The following RBM26 variants were observed in gnomAD, a reference collection of about 807,000 sequenced individuals.
RBM26 encodes the protein RNA binding motif protein 26, also known as RNA-binding protein 26.
Under a neutral mutation model 123.6 loss-of-function variants are expected in RBM26, and 30 were observed. That is an observed-to-expected ratio of 0.24 (90% CI 0.18 to 0.33). The LOEUF (loss-of-function observed/expected upper bound fraction) is 0.33. Ranked by LOEUF, RBM26 falls within the 10% of genes least tolerant of loss-of-function variation. RBM26 has a pLI of 1.00. For missense variants in RBM26, 947 were observed against 1,203.6 expected (o/e 0.79, Z 3.15); for synonymous variants, 400 against 404.4 (o/e 0.99, Z 0.13).
intron 7 of RBM26, 90 bp from the exon 8 acceptor site, chr13:79,366,285 A>G (rs2075262485): frequency 3.8e-6 from 5 of 1,333,010 alleles, no homozygotes; most frequent in Non-Finnish European, 5.2e-6. Flanking sequence ...CTCATTTATC[A>G]AACTATAATA....
At chr13:79,327,573 A>G (rs575199336) in intron 20 of RBM26, among the ~76,000 whole-genome samples, 2 of 152,270 alleles carry the variant, frequency 1.3e-5, no homozygotes, top group South Asian at 2.1e-4. Context: ...AAAAAACCCA[A>G]GAGAGCAAAA....
chr13:79,345,772 A>G (rs1365990631), intron 14 of RBM26, among the ~76,000 whole-genome samples: 1 of 152,198 alleles, frequency 6.6e-6, no homozygotes, highest in Non-Finnish European at 1.5e-5. Context: ...GTAAGTACTC[A>G]AAAAACATTT....
chr13:79,386,242 G>A (rs1271831712), intron 1 of RBM26, among the ~76,000 whole-genome samples: 1 of 151,888 alleles, frequency 6.6e-6, no homozygotes, highest in Admixed American at 6.6e-5. Flanking sequence ...CATTCAGTCT[G>A]TTATGACATG....
At chr13:79,347,999 A>G (rs1261082722) in intron 14 of RBM26, among the ~76,000 whole-genome samples, 1 of 152,120 alleles carries the variant, frequency 6.6e-6, no homozygotes, top group Admixed American at 6.5e-5. Context: ...AAGTAACAGA[A>G]CACTTTCTCT....
intron 11 of RBM26, among the ~76,000 whole-genome samples, chr13:79,358,029 C>A (rs1331320984): frequency 1.3e-5 from 2 of 151,846 alleles, no homozygotes; most frequent in African/African-American, 4.8e-5. Context: ...ATTACAGGTG[C>A]CTGCCACCAC....
intron 7 of RBM26, 174 bp from the exon 8 acceptor site, chr13:79,366,369 G>T: frequency 2.3e-6 from 1 of 435,832 alleles, no homozygotes. Context: ...TTCCAAAGCA[G>T]GTTTGCCTTA....
chr13:79,371,093 T>C lies in RBM26; in HGVS notation c.486A>G (p.Arg162=). ...KRDYDRNPPR[R]DSYRDRYNRR... ...TATTGTACCGGTCTCTGTATGAATCTCTTCGAGGAGGGTTTCGATCATAAT... is the reference window on the plus strand; with the variant it reads ...TATTGTACCGGTCTCTGTATGAATCCCTTCGAGGAGGGTTTCGATCATAAT... The change falls in exon 5 of 22, where the codon AGA becomes AGG. Residue 162 remains arginine (R), a synonymous_variant. Coordinates refer to ENST00000438737, the MANE Select transcript of RBM26 (RefSeq NM_001366735.2). 1 of 1,614,174 alleles carries C rather than the reference T, an allele frequency of 6.2e-7. No individual in the cohort carries two copies. The highest frequency in any genetic ancestry group is 1.1e-5 in the South Asian group (1 of 91,080).
chr13:79,367,542 T>TCC (rs781190114), intron 6 of RBM26, among the ~76,000 whole-genome samples: 6 of 151,204 alleles, frequency 4.0e-5, no homozygotes, highest in Admixed American at 2.6e-4. Flanking sequence ...CTTGGTGCCC[T>TCC]CCCAAGGTAA....
chr13:79,328,972 C>T (rs2068872257), intron 20 of RBM26, among the ~76,000 whole-genome samples: 1 of 151,590 alleles, frequency 6.6e-6, no homozygotes, highest in Non-Finnish European at 1.5e-5. Context: ...CACTATGTAG[C>T]GTACACACTA....
intron 10 of RBM26, 49 bp from the exon 11 acceptor site, chr13:79,358,482 A>G (rs7994560): frequency 1 from 1,449,174 of 1,452,814 alleles, 722,858 homozygotes; most frequent in East Asian, 1. Context: ...TCCTGACCCT[A>G]ACCAAATACA....
At chr13:79,368,261 C>G (rs1348159485) in intron 6 of RBM26, among the ~76,000 whole-genome samples, 1 of 152,180 alleles carries the variant, frequency 6.6e-6, no homozygotes, top group Non-Finnish European at 1.5e-5. Context: ...CTCCTGACCT[C>G]ATGATCCACC....
In RBM26 at chr13:79,344,927, C is replaced by T. The variant is rs1050985668; in HGVS notation, c.2059-133G>A. 4.2e-6 allele frequency: 3 copies of T among 721,688 alleles called. No homozygotes were observed. In the African/African-American group the frequency reaches 5.6e-5, roughly 14 times the overall value. The allele number at this position is 721,688 out of a possible 1,614,324, so 44.7% of individuals were successfully genotyped here. ...CACACTGAACTAAATGTATTTTATA[C>T]TTATAATAACGAAATCATATTTGGT... On this transcript the variant is annotated intron_variant, in intron 14 of 21. Coordinates refer to ENST00000438737, the MANE Select transcript of RBM26 (RefSeq NM_001366735.2).
rs1481112941 is a variant in RBM26 at position 79,344,185 on chromosome 13, A to T, written c.2259+63T>A. On this transcript the variant is annotated intron_variant, in intron 16 of 21. Transcript: ENST00000438737. ...AATCTTTTTATGACTAGGTAGCATA[A>T]GATTAAGTTCACTCCAAATTATAAC... The T allele has an allele frequency of 3.0e-6, 3 of 1,006,268 alleles. No homozygotes were observed. The East Asian group carries it at 7.1e-5, about 24-fold the overall frequency. 62.3% of individuals were successfully genotyped at this position (1,006,268 alleles called of 1,614,324 possible).
intron 20 of RBM26, among the ~76,000 whole-genome samples, chr13:79,327,761 T>C (rs1160199376): frequency 1.3e-5 from 2 of 152,200 alleles, no homozygotes; most frequent in African/African-American, 4.8e-5. Flanking sequence ...ATGTTGTCTA[T>C]ATAAAGAAAC....
intron 1 of RBM26, among the ~76,000 whole-genome samples, chr13:79,401,896 CACA>C (rs1012567312): frequency 2.0e-5 from 3 of 152,250 alleles, no homozygotes; most frequent in Admixed American, 6.5e-5. Context: ...GTGGCAGAAG[CACA>C]ACACTAGGCA....
intron 13 of RBM26, 149 bp downstream of exon 13, chr13:79,354,290 A>G: frequency 1.7e-6 from 1 of 592,232 alleles, no homozygotes; most frequent in Non-Finnish European, 2.5e-6. Context: ...ATTAAAAAAA[A>G]AAAAACAACC....
intron 18 of RBM26, among the ~76,000 whole-genome samples, chr13:79,340,428 A>G (rs1233214245): frequency 6.6e-6 from 1 of 152,092 alleles, no homozygotes; most frequent in Non-Finnish European, 1.5e-5. Context: ...TCTCAGCTAA[A>G]GCTAAATAAT....
intron 1 of RBM26, among the ~76,000 whole-genome samples, chr13:79,382,430 C>A (rs572876123): frequency 3.3e-5 from 5 of 151,920 alleles, no homozygotes; most frequent in South Asian, 2.1e-4. Flanking sequence ...CCTTATAGAT[C>A]GGGGAAAAAA....
downstream of RBM26, among the ~76,000 whole-genome samples, chr13:79,316,910 A>C (rs892035335): frequency 2.6e-5 from 4 of 151,696 alleles, no homozygotes; most frequent in Admixed American, 2.0e-4. Flanking sequence ...TCTGTACTAA[A>C]GCAAAATAAT....
Sources: allele counts gnomAD v4.1 joint callset (sites outside exome capture counted in the v4.1 genomes callset), GRCh38; gene constraint gnomAD v4.1.1; transcripts MANE v1.5; gene names NCBI Gene and HGNC (gene_info 2026-07-23, HGNC 2026-07-21).